The following KAZN variants were observed in gnomAD, a reference collection of about 807,000 sequenced individuals.
KAZN encodes the protein kazrin.
A neutral mutation model predicts 87.4 loss-of-function variants in KAZN; 40 were observed. The ratio of observed to expected loss-of-function variants is 0.46; its 90% CI spans 0.36 to 0.60. KAZN has a LOEUF of 0.60. Ranked by LOEUF, KAZN falls within the 20% of genes least tolerant of loss-of-function variation. KAZN has a pLI of 0.00. For missense variants in KAZN, 898 were observed against 1,073.9 expected, an observed-to-expected ratio of 0.84 and a Z score of 2.29; for synonymous variants, 466 against 458.3, an observed-to-expected ratio of 1.02 and a Z score of -0.22.
At chr1:14,144,282 G>C (rs1645300216) in intron 1 of KAZN, among the ~76,000 whole-genome samples, 2 of 152,084 alleles carry the variant, frequency 1.3e-5, no homozygotes, top group Admixed American at 1.3e-4. Context: ...TTGTTTCCAG[G>C]ATAGCATGTC....
Position 14,856,406 on chromosome 1 carries a change from G to T in KAZN, c.227-104278G>T, listed in dbSNP as rs1329827392. 2.0e-5 allele frequency among the ~76,000 whole-genome samples: 3 copies of T among 152,154 alleles called. No individual in the cohort carries two copies. Among genetic ancestry groups the T allele is most frequent in the Non-Finnish European group, 4.4e-5 (3 of 68,018 alleles). On this transcript the variant is annotated intron_variant, in intron 1 of 14. Coordinates refer to ENST00000376030, the MANE Select transcript of KAZN (RefSeq NM_201628.3). The surrounding 1 kb of genome is among the most constrained non-coding windows in gnomAD (Gnocchi z 5.2). ...ATGCTAAGGAATTTTGAAGAAGGAGGCAATATTTCCATAGGTGGCATAGCT... is the reference window on the plus strand; with the variant it reads ...ATGCTAAGGAATTTTGAAGAAGGAGTCAATATTTCCATAGGTGGCATAGCT...
intron 5 of KAZN, among the ~76,000 whole-genome samples, chr1:15,058,759 G>T (rs571613784): frequency 6.6e-6 from 1 of 152,162 alleles, no homozygotes; most frequent in Non-Finnish European, 1.5e-5. Flanking sequence ...AGTGGCTCAC[G>T]CCTGTAAGCC....
At chr1:14,663,561 C>T (rs984360227) in intron 1 of KAZN, among the ~76,000 whole-genome samples, 1 of 152,156 alleles carries the variant, frequency 6.6e-6, no homozygotes, top group African/African-American at 2.4e-5. Context: ...AGGACACCAA[C>T]GTATTTCATA....
At chr1:14,319,182 T>C (rs1185632523) in intron 2 of KAZN, among the ~76,000 whole-genome samples, 2 of 152,002 alleles carry the variant, frequency 1.3e-5, no homozygotes, top group African/African-American at 4.8e-5. Context: ...TTAGAGAGTG[T>C]ATGGCTCTGT....
intron 1 of KAZN, among the ~76,000 whole-genome samples, chr1:14,951,338 T>C (rs938297297): frequency 1.3e-5 from 2 of 152,162 alleles, no homozygotes; most frequent in Admixed American, 1.3e-4. Flanking sequence ...GGTACCTGCT[T>C]TGTTGAATAC....
At chr1:13,958,482 G>A (rs1409865917) in intron 1 of KAZN, among the ~76,000 whole-genome samples, 1 of 150,824 alleles carries the variant, frequency 6.6e-6, no homozygotes, top group Non-Finnish European at 1.5e-5. Flanking sequence ...GCTGAGGCAG[G>A]AGAATGGCAT....
At chr1:14,554,409 A>G (rs1673734582) in intron 2 of KAZN, among the ~76,000 whole-genome samples, 2 of 152,188 alleles carry the variant, frequency 1.3e-5, no homozygotes, top group Non-Finnish European at 2.9e-5. Context: ...ACCCAGATGC[A>G]TTTAGTTGCC....
chr1:14,248,576 G>T (rs1407915388), intron 2 of KAZN, among the ~76,000 whole-genome samples: 1 of 152,202 alleles, frequency 6.6e-6, no homozygotes, highest in African/African-American at 2.4e-5. Context: ...ACAGGGCCAT[G>T]GAGGATGAAG....
chr1:13,957,755 C>CA (rs1641598618), intron 1 of KAZN, among the ~76,000 whole-genome samples: 1 of 152,102 alleles, frequency 6.6e-6, no homozygotes. Context: ...AGTGAGAACT[C>CA]ACGCTCTGGG....
At chr1:13,921,940 T>C (rs946286179) in intron 1 of KAZN, among the ~76,000 whole-genome samples, 3 of 152,158 alleles carry the variant, frequency 2.0e-5, no homozygotes, top group Non-Finnish European at 2.9e-5. Context: ...CCCAGTTGTT[T>C]GCATTTTTAT....
chr1:14,276,407 A>C (rs1442771188), intron 2 of KAZN, among the ~76,000 whole-genome samples: 1 of 152,086 alleles, frequency 6.6e-6, no homozygotes, highest in East Asian at 1.9e-4. Context: ...GACTGCCTTA[A>C]CAAAGTACCA....
intron 1 of KAZN, among the ~76,000 whole-genome samples, chr1:14,645,395 A>G (rs1026909783): frequency 1.3e-5 from 2 of 152,226 alleles, no homozygotes; most frequent in African/African-American, 4.8e-5. Context: ...TTTGGGCAGT[A>G]TGGACATTTT....
chr1:15,023,557 C>G (rs1275259975), intron 2 of KAZN, among the ~76,000 whole-genome samples: 1 of 152,040 alleles, frequency 6.6e-6, no homozygotes, highest in African/African-American at 2.4e-5. Context: ...AGGATGGGTA[C>G]AGGACCTGGA....
chr1:14,064,093 T>G (rs1309098420), intron 1 of KAZN, among the ~76,000 whole-genome samples: 1 of 152,164 alleles, frequency 6.6e-6, no homozygotes, highest in Non-Finnish European at 1.5e-5. Context: ...TTCTTTTGTA[T>G]TTTTAGTAGA....
rs964715685 is a variant in KAZN, at chr1:15,110,823, A to G, written c.2049-1604A>G. 2.0e-4 allele frequency among the ~76,000 whole-genome samples: 31 copies of G among 152,082 alleles called. 1 individual carries two copies. Among genetic ancestry groups the G allele is most frequent in the Admixed American group, 1.8e-3 (27 of 15,280 alleles). On this transcript the variant is annotated intron_variant, in intron 13 of 14. Transcript: ENST00000376030. ...TCTTGTGTATCTTTGGACAAGACACACCCCCTCTTTGGTCTTCTGTCTCTT... is the reference window on the plus strand; with the variant it reads ...TCTTGTGTATCTTTGGACAAGACACGCCCCCTCTTTGGTCTTCTGTCTCTT...
At chr1:15,069,157 A>T (rs2100583629) in intron 8 of KAZN, among the ~76,000 whole-genome samples, 1 of 152,180 alleles carries the variant, frequency 6.6e-6, no homozygotes, top group East Asian at 1.9e-4. Context: ...GTGTGGCCAC[A>T]CGCATGCCCC....
At chr1:14,909,214 G>A (rs576856980) in intron 1 of KAZN, among the ~76,000 whole-genome samples, 10 of 152,286 alleles carry the variant, frequency 6.6e-5, no homozygotes, top group South Asian at 2.1e-4. Context: ...CATGGTAAGC[G>A]CTATACATGA....
chr1:14,416,207 C>T (rs1664744730), intron 2 of KAZN, among the ~76,000 whole-genome samples: 1 of 152,132 alleles, frequency 6.6e-6, no homozygotes, highest in Admixed American at 6.5e-5. Flanking sequence ...GAGCTAAGCA[C>T]CCCCTGATTA....
chr1:14,729,088 C>T (rs971454072), intron 1 of KAZN, among the ~76,000 whole-genome samples: 3 of 152,108 alleles, frequency 2.0e-5, no homozygotes, highest in South Asian at 2.1e-4. Context: ...CTTTCCTGCC[C>T]GTCTCCTGCC....
Sources: gnomAD v4.1 joint callset for allele counts (sites outside exome capture counted in the v4.1 genomes callset) on GRCh38, gnomAD v4.1.1 for gene constraint, Gnocchi (gnomAD v3.1) non-coding constraint, MANE v1.5 for transcripts, NCBI Gene and HGNC (gene_info 2026-07-23, HGNC 2026-07-21) for gene names.